NRXN3: variants seen among roughly 807,000 people sequenced by gnomAD.
NRXN3 encodes the protein neurexin III.
A neutral mutation model predicts 137.6 loss-of-function variants in NRXN3; 32 were observed. The observed-to-expected ratio is 0.23, with a 90% CI of 0.18 to 0.31. NRXN3 has a LOEUF of 0.31. NRXN3 is among the 10% of genes least tolerant of loss of function. The pLI is 1.00. For missense variants in NRXN3, 1,574 were observed against 2,062.5 expected, an observed-to-expected ratio of 0.76 and a Z score of 4.59; for synonymous variants, 798 against 784.5, an observed-to-expected ratio of 1.02 and a Z score of -0.29.
At chr14:79,261,258 A>G (rs567854367) in intron 15 of NRXN3, among the ~76,000 whole-genome samples, 20 of 152,234 alleles carry the variant, frequency 1.3e-4, no homozygotes, top group Admixed American at 3.9e-4. Flanking sequence ...ATTCAATTCA[A>G]CATACTTTGT....
At chr14:78,235,026 G>GTGTA (rs1555418717) in intron 1 of NRXN3, among the ~76,000 whole-genome samples, 1 of 87,302 alleles carries the variant, frequency 1.1e-5, no homozygotes, top group Non-Finnish European at 2.2e-5. Flanking sequence ...ATATATATGT[G>GTGTA]TATATATATA....
At chr14:79,471,855 CA>C (rs1171078231) in intron 16 of NRXN3, among the ~76,000 whole-genome samples, 1 of 152,052 alleles carries the variant, frequency 6.6e-6, no homozygotes, top group East Asian at 1.9e-4. Context: ...ATTTTAAGTT[CA>C]GGGGTACAAG....
At chr14:78,897,096 CAG>C (rs2152726925) in intron 10 of NRXN3, among the ~76,000 whole-genome samples, 1 of 151,968 alleles carries the variant, frequency 6.6e-6, no homozygotes, top group African/African-American at 2.4e-5. Flanking sequence ...ATAGTGGTGA[CAG>C]AGACTGCCTA....
At chr14:79,068,566 C>T (rs8010673) in intron 15 of NRXN3, among the ~76,000 whole-genome samples, 76,300 of 151,888 alleles carry the variant, frequency 0.5, 22,374 homozygotes, top group East Asian at 0.78. Flanking sequence ...TTGAATTCTC[C>T]ACATTTAAAG....
At chr14:79,130,905 C>T (rs1426086912) in intron 15 of NRXN3, among the ~76,000 whole-genome samples, 2 of 152,070 alleles carry the variant, frequency 1.3e-5, no homozygotes, top group African/African-American at 4.8e-5. Context: ...TCTAAACTTC[C>T]CTTCTCGCTT....
At chr14:79,660,462 T>G (rs2098528019) in intron 16 of NRXN3, among the ~76,000 whole-genome samples, 1 of 152,082 alleles carries the variant, frequency 6.6e-6, no homozygotes, top group Non-Finnish European at 1.5e-5. Flanking sequence ...ATTAAGAAGA[T>G]CTCCCAGAAA....
At chr14:79,640,761 C>T (rs1485174980) in intron 16 of NRXN3, among the ~76,000 whole-genome samples, 1 of 135,466 alleles carries the variant, frequency 7.4e-6, no homozygotes, top group African/African-American at 2.5e-5. Flanking sequence ...TACGGCATAT[C>T]CATTCTTGAG....
chr14:78,824,161 C>T (rs1303470565), intron 10 of NRXN3, among the ~76,000 whole-genome samples: 2 of 123,184 alleles, frequency 1.6e-5, no homozygotes, highest in African/African-American at 6.0e-5. Flanking sequence ...AGGAAAGAAT[C>T]CTGGTTAAAG....
intron 1 of NRXN3, among the ~76,000 whole-genome samples, chr14:78,175,391 G>A (rs11628271): frequency 0.16 from 24,449 of 152,082 alleles, 2,513 homozygotes; most frequent in Middle Eastern, 0.23. Context: ...GGTATCCCCC[G>A]GCCGTGTTCT....
At chr14:78,791,177 T>C (rs1271038080) in intron 8 of NRXN3, among the ~76,000 whole-genome samples, 3 of 152,216 alleles carry the variant, frequency 2.0e-5, no homozygotes, top group Non-Finnish European at 2.9e-5. Context: ...ACTGGTAAGA[T>C]TGAAGACTTT....
chr14:78,343,234 A>G (rs2082334554), intron 4 of NRXN3, among the ~76,000 whole-genome samples: 2 of 152,224 alleles, frequency 1.3e-5, no homozygotes, highest in South Asian at 4.1e-4. Context: ...CATCAACACC[A>G]CACTATAAAC....
intron 17 of NRXN3, among the ~76,000 whole-genome samples, chr14:79,665,453 T>C (rs2098553283): frequency 1.3e-5 from 2 of 152,288 alleles, no homozygotes; most frequent in South Asian, 2.1e-4. Flanking sequence ...TACACACTAA[T>C]AGACTTAATT....
At chr14:78,410,811 A>T (rs2092781559) in intron 4 of NRXN3, among the ~76,000 whole-genome samples, 1 of 152,222 alleles carries the variant, frequency 6.6e-6, no homozygotes, top group South Asian at 2.1e-4. Flanking sequence ...ATTATTATAT[A>T]TGGGGTTACT....
intron 16 of NRXN3, among the ~76,000 whole-genome samples, chr14:79,636,410 C>G (rs1050067121): frequency 1.3e-5 from 2 of 151,784 alleles, no homozygotes; most frequent in Admixed American, 1.3e-4. Flanking sequence ...TTTTGTTTTT[C>G]TTTTTTTGTT....
intron 10 of NRXN3, among the ~76,000 whole-genome samples, chr14:78,883,319 G>T (rs1446566142): frequency 6.6e-6 from 1 of 152,138 alleles, no homozygotes; most frequent in Non-Finnish European, 1.5e-5. Flanking sequence ...CTTCTGTAAA[G>T]AAGAGTGACT....
At chr14:79,577,579 T>C (rs2097676927) in intron 16 of NRXN3, among the ~76,000 whole-genome samples, 1 of 152,220 alleles carries the variant, frequency 6.6e-6, no homozygotes, top group African/African-American at 2.4e-5. Flanking sequence ...GTAAACATTA[T>C]CACACTTTGT....
intron 20 of NRXN3, among the ~76,000 whole-genome samples, chr14:79,842,080 G>C (rs1490616687): frequency 6.6e-6 from 1 of 152,200 alleles, no homozygotes; most frequent in Admixed American, 6.5e-5. Context: ...GGTATTCGTG[G>C]CTATTCCAGG....
chr14:78,444,647 C>T (rs1399181200), intron 4 of NRXN3, among the ~76,000 whole-genome samples: 4 of 151,968 alleles, frequency 2.6e-5, no homozygotes, highest in Non-Finnish European at 4.4e-5. Flanking sequence ...TGGCCAGGCG[C>T]AGTGGCTCAT....
intron 10 of NRXN3, among the ~76,000 whole-genome samples, chr14:78,903,982 C>T (rs1597205744): frequency 6.6e-6 from 1 of 152,048 alleles, no homozygotes; most frequent in Non-Finnish European, 1.5e-5. Context: ...ACGGCACACT[C>T]CTTTGAGGCC....
Sources: gnomAD v4.1 joint callset for allele counts (sites outside exome capture counted in the v4.1 genomes callset) on GRCh38, gnomAD v4.1.1 for gene constraint, MANE v1.5 for transcripts, NCBI Gene and HGNC (gene_info 2026-07-23, HGNC 2026-07-21) for gene names.